Variants in AOX1 observed in about 807,000 individuals in gnomAD.
The protein encoded by AOX1 is aldehyde oxidase.
Under a neutral mutation model 169.5 loss-of-function variants are expected in AOX1, and 153 were observed. The ratio of observed to expected loss-of-function variants is 0.90; its 90% confidence interval spans 0.79 to 1.03. The LOEUF (loss-of-function observed/expected upper bound fraction) is 1.03. AOX1 is among the 50% of genes least tolerant of loss of function. AOX1 has a pLI of 0.00. For synonymous variants in AOX1, 562 were observed against 581.9 expected (o/e 0.97, Z 0.49); for missense variants, 1,656 against 1,663.9 (o/e 1.00, Z 0.08).
intron 27 of AOX1, among the ~76,000 whole-genome samples, chr2:200,657,830 C>G (rs1048837882): frequency 6.6e-6 from 1 of 152,134 alleles, no homozygotes; most frequent in South Asian, 2.1e-4. Flanking sequence ...AAAACAAAGA[C>G]CCTACACAGT....
At chr2:200,620,363 T>C (rs905674560) in intron 16 of AOX1, among the ~76,000 whole-genome samples, 1 of 132,230 alleles carries the variant, frequency 7.6e-6, no homozygotes, top group Admixed American at 7.4e-5. Flanking sequence ...CGTACCTGGC[T>C]ATTTTGTTTT....
intron 26 of AOX1, among the ~76,000 whole-genome samples, chr2:200,653,655 G>A (rs564928976): frequency 2.4e-4 from 36 of 152,172 alleles, no homozygotes; most frequent in Non-Finnish European, 4.4e-4. Context: ...GGGGTCAAAC[G>A]TGCCCCACCT....
chr2:200,676,573 C>G (rs2036101117), intron 4 of AOX1, among the ~76,000 whole-genome samples: 1 of 146,738 alleles, frequency 6.8e-6, no homozygotes, highest in Non-Finnish European at 1.5e-5. Flanking sequence ...GCACTCCAGC[C>G]TGGGTGACAG....
intron 31 of AOX1, among the ~76,000 whole-genome samples, chr2:200,663,879 C>A (rs1388941525): frequency 3.3e-5 from 5 of 152,154 alleles, no homozygotes; most frequent in Admixed American, 2.6e-4. Flanking sequence ...TTTAAATTTT[C>A]ATTTAATAAG....
At chr2:200,617,030 C>T (rs900476964) in intron 16 of AOX1, among the ~76,000 whole-genome samples, 2 of 152,096 alleles carry the variant, frequency 1.3e-5, no homozygotes, top group African/African-American at 4.8e-5. Context: ...ATAGTTGAAC[C>T]CTTTGGCTTA....
intron 23 of AOX1, 42 bp from the exon 24 acceptor site, chr2:200,641,056 T>C: frequency 6.8e-7 from 1 of 1,480,780 alleles, no homozygotes; most frequent in Non-Finnish European, 9.4e-7. Context: ...TTGGAGAGAC[T>C]TGGCCCCTGT....
At chr2:200,605,757 T>G (rs1015781409) in intron 10 of AOX1, 129 bp downstream of exon 10, 4 of 442,994 alleles carry the variant, frequency 9.0e-6, no homozygotes, top group Non-Finnish European at 1.6e-5. Context: ...CTTATAAGAA[T>G]GATATGTTTG....
At chr2:200,658,484 G>C (rs758706406) in intron 27 of AOX1, among the ~76,000 whole-genome samples, 5 of 152,234 alleles carry the variant, frequency 3.3e-5, no homozygotes, top group Non-Finnish European at 7.3e-5. Flanking sequence ...CTGAGAGCCA[G>C]ACCTCATGGA....
chr2:200,589,979 C>T (rs1262384304), intron 1 of AOX1, among the ~76,000 whole-genome samples: 1 of 152,178 alleles, frequency 6.6e-6, no homozygotes, highest in Non-Finnish European at 1.5e-5. Context: ...CAACCTAAAG[C>T]TCAGGAAGAT....
chr2:200,640,648 G>T (rs2035335157), intron 23 of AOX1, among the ~76,000 whole-genome samples: 1 of 152,142 alleles, frequency 6.6e-6, no homozygotes, highest in Non-Finnish European at 1.5e-5. Context: ...AAATGCTGGG[G>T]GTAGAAGTGA....
rs1181279674 is a variant in AOX1 at position 200,613,905 on chromosome 2, C to T, written c.1550C>T (p.Thr517Ile). ...APGGKVEFKR[T>I]LIISFLFKFY... ...GGTGGGAAAGTGGAGTTCAAGAGGA[C>T]TCTCATCATCAGCTTCCTCTTCAAG... The change falls in exon 15 of 35, where the codon ACT becomes ATT. Residue 517 changes from threonine to isoleucine, a missense_variant. By Grantham distance (89) the Thr-to-Ile change is moderately conservative (BLOSUM62 -1). Coordinates refer to ENST00000374700, the MANE Select transcript of AOX1 (RefSeq NM_001159.4). 6.2e-7 allele frequency: 1 copy of T among 1,612,490 alleles called. No individual in the cohort carries two copies. Among genetic ancestry groups the T allele is most frequent in the Non-Finnish European group, 8.5e-7 (1 of 1,179,946 alleles).
At chr2:200,602,235 G>A in intron 5 of AOX1, 49 bp from the exon 6 acceptor site, 7 of 1,500,122 alleles carry the variant, frequency 4.7e-6, no homozygotes, top group Middle Eastern at 3.4e-4. Flanking sequence ...GGTAGACTGT[G>A]CCTCTATCTG....
intron 20 of AOX1, among the ~76,000 whole-genome samples, chr2:200,632,164 T>C (rs1437610141): frequency 1.3e-5 from 2 of 152,070 alleles, no homozygotes; most frequent in Admixed American, 1.3e-4. Flanking sequence ...CCCTCTGCTT[T>C]TTATTCTTTT....
intron 4 of AOX1, 78 bp downstream of exon 4, chr2:200,597,583 C>A: frequency 9.0e-7 from 1 of 1,114,184 alleles, no homozygotes; most frequent in Non-Finnish European, 1.3e-6. Flanking sequence ...ATTAAGAGAG[C>A]GGAGCAGCCT....
rs1468600123 is a variant in AOX1 at position 200,663,568 on chromosome 2, A to T, written c.3543+599A>T. ...CAAACACACACACACACACACACAC[A>T]CACACTCTCTCTCTCTCTCTCTCTC... On this transcript the variant is annotated intron_variant, in intron 31 of 34. Coordinates refer to ENST00000374700, the MANE Select transcript of AOX1 (RefSeq NM_001159.4). Among the ~76,000 whole-genome samples the T allele has an allele frequency of 3.9e-3, 487 of 123,592 alleles. 1 individual carries two copies. The highest frequency in any genetic ancestry group is 0.013 in the African/African-American group (434 of 33,796). 81.1% of individuals were successfully genotyped at this position (123,592 alleles called of 152,430 possible). A position where few individuals can be genotyped will look rare whatever the true frequency, so the allele number is the denominator to read the frequency against.
intron 23 of AOX1, among the ~76,000 whole-genome samples, chr2:200,639,893 C>T (rs538525335): frequency 7.9e-5 from 12 of 151,882 alleles, no homozygotes; most frequent in Non-Finnish European, 1.5e-4. Flanking sequence ...AAAAATTAGC[C>T]GGGCATGGTG....
At chr2:200,603,391 C>A in intron 7 of AOX1, 35 bp downstream of exon 7, 1 of 1,543,146 alleles carries the variant, frequency 6.5e-7, no homozygotes, top group Non-Finnish European at 9.0e-7. Flanking sequence ...AAGGCTTTCT[C>A]AGGACATGAA....
chr2:200,669,481 T>G, intron 33 of AOX1, 94 bp from the exon 34 acceptor site: 5 of 1,349,268 alleles, frequency 3.7e-6, no homozygotes, highest in South Asian at 1.4e-5. Context: ...ATGTAGTACG[T>G]AATATTTTTA....
At chr2:200,680,130 G>T (rs1033888327), downstream of AOX1, among the ~76,000 whole-genome samples, 1 of 152,068 alleles carries the variant, frequency 6.6e-6, no homozygotes, top group Admixed American at 6.6e-5. Flanking sequence ...AAACAAGGAC[G>T]CGTATTCTAT....
Sources: allele counts gnomAD v4.1 joint callset (sites outside exome capture counted in the v4.1 genomes callset), GRCh38; gene constraint gnomAD v4.1.1; transcripts MANE v1.5; gene names NCBI Gene and HGNC (gene_info 2026-07-23, HGNC 2026-07-21).